METTL15: variants seen among roughly 807,000 people sequenced by gnomAD.
METTL15 encodes the protein 12S rRNA N(4)-cytidine methyltransferase METTL15.
In METTL15, 34 loss-of-function variants were observed where a neutral mutation model predicts 38.3. The observed-to-expected ratio is 0.89, with a 90% CI of 0.68 to 1.18. The LOEUF is 1.18. Ranked by LOEUF, METTL15 falls within the 50% of genes most tolerant of loss-of-function variation. The probability of loss-of-function intolerance (pLI) is 0.00; values close to 1 mark genes in which losing one functional copy is unlikely to be tolerated. For missense variants in METTL15, 438 were observed against 498.4 expected, an observed-to-expected ratio of 0.88 and a Z score of 1.15; for synonymous variants, 162 against 170.9, an observed-to-expected ratio of 0.95 and a Z score of 0.41.
At chr11:28,136,284 A>G (rs1299593612) in intron 3 of METTL15, among the ~76,000 whole-genome samples, 1 of 151,932 alleles carries the variant, frequency 6.6e-6, no homozygotes, top group Non-Finnish European at 1.5e-5. Context: ...CATGGGGGCA[A>G]TTTTCCCTAT....
chr11:28,238,388 G>A (rs1025171563), intron 4 of METTL15, among the ~76,000 whole-genome samples: 20 of 152,192 alleles, frequency 1.3e-4, no homozygotes, highest in Non-Finnish European at 2.2e-4. Flanking sequence ...GCGAGACTCC[G>A]TGGGCTTAGG....
In METTL15 at chr11:28,211,211, C is replaced by G. The variant is rs975787409; in HGVS notation, c.407+13C>G. The G allele has an allele frequency of 3.8e-6, 6 of 1,590,154 alleles. No individual in the cohort carries two copies. In the African/African-American group the frequency reaches 4.1e-5, roughly 11 times the overall value. On this transcript the variant is annotated intron_variant, in intron 4 of 6. Transcript: ENST00000407364. ...CAGAGTTGTATCCGTAAGTAATACC[C>G]TTGCATATTTATTTGATTTTGGTTC...
intron 4 of METTL15, among the ~76,000 whole-genome samples, chr11:28,258,970 C>G (rs1855085690): frequency 6.6e-6 from 1 of 152,086 alleles, no homozygotes; most frequent in Non-Finnish European, 1.5e-5. Flanking sequence ...GCCAGTACAG[C>G]TGGGAATTTG....
chr11:28,379,954 T>G (rs1483557200), intron 5 of METTL15, among the ~76,000 whole-genome samples: 1 of 152,206 alleles, frequency 6.6e-6, no homozygotes, highest in Non-Finnish European at 1.5e-5. Flanking sequence ...TTTTTCATTA[T>G]ATAGCAATCT....
At chr11:28,462,281 G>T (rs1473892622) in intron 6 of METTL15, among the ~76,000 whole-genome samples, 1 of 152,058 alleles carries the variant, frequency 6.6e-6, no homozygotes, top group Non-Finnish European at 1.5e-5. Flanking sequence ...AATACAAGAA[G>T]AATGGAAGTG....
At chr11:28,197,678 C>G (rs993434912) in intron 3 of METTL15, 1 of 282,526 alleles carries the variant, frequency 3.5e-6, no homozygotes, top group Non-Finnish European at 7.3e-6. Flanking sequence ...TTTCTCCCTG[C>G]AATATGCACA....
chr11:28,129,407 CT>C (rs71449170), intron 3 of METTL15, among the ~76,000 whole-genome samples: 40,038 of 143,592 alleles, frequency 0.28, 5,309 homozygotes, highest in African/African-American at 0.41. Flanking sequence ...TATAAAATTA[CT>C]TTTTTTTTTT....
At chr11:28,232,149 T>C (rs796656540) in intron 4 of METTL15, among the ~76,000 whole-genome samples, 2 of 152,046 alleles carry the variant, frequency 1.3e-5, no homozygotes, top group African/African-American at 4.8e-5. Flanking sequence ...CTAGAGAGAA[T>C]TGTGGAGTAA....
intron 4 of METTL15, among the ~76,000 whole-genome samples, chr11:28,222,029 G>C (rs1479163788): frequency 6.6e-6 from 1 of 152,170 alleles, no homozygotes; most frequent in Admixed American, 6.5e-5. Context: ...CAGTCTGTCT[G>C]TTCTCAGATC....
chr11:28,307,576 A>G (rs1272393491), intron 6 of METTL15, among the ~76,000 whole-genome samples: 1 of 151,964 alleles, frequency 6.6e-6, no homozygotes, highest in Non-Finnish European at 1.5e-5. Context: ...CACTTGTAGT[A>G]CCTTTCCTAT....
chr11:28,525,730 C>A (rs1851804648), intron 6 of METTL15, among the ~76,000 whole-genome samples: 1 of 152,276 alleles, frequency 6.6e-6, no homozygotes, highest in Non-Finnish European at 1.5e-5. Flanking sequence ...GCCCAGCTGG[C>A]TTCACCCAGT....
At chr11:28,122,369 G>GTA (rs1416044770) in intron 3 of METTL15, among the ~76,000 whole-genome samples, 3 of 59,328 alleles carry the variant, frequency 5.1e-5, no homozygotes, top group South Asian at 4.2e-4. Context: ...GTGTGTGTGT[G>GTA]TGTATATATA....
chr11:28,176,008 A>G (rs1400272399), intron 3 of METTL15, among the ~76,000 whole-genome samples: 1 of 152,014 alleles, frequency 6.6e-6, no homozygotes, highest in Non-Finnish European at 1.5e-5. Context: ...TCAATTTAAT[A>G]TTACTAAGGA....
chr11:28,297,416 T>C (rs1164384739), intron 6 of METTL15, among the ~76,000 whole-genome samples: 2 of 152,144 alleles, frequency 1.3e-5, no homozygotes, highest in African/African-American at 4.8e-5. Flanking sequence ...TAAAATACAG[T>C]GACTCATATA....
At chr11:28,145,736 G>A (rs958842466) in intron 3 of METTL15, 28 of 151,978 alleles carry the variant, frequency 1.8e-4, no homozygotes, top group Non-Finnish European at 1.3e-4. Context: ...AATAAACTGA[G>A]TTAGATAAAC....
intron 3 of METTL15, chr11:28,134,410 C>T (rs770643570): frequency 1.3e-5 from 5 of 395,820 alleles, no homozygotes; most frequent in African/African-American, 2.1e-5. Context: ...TCTTAGTTGG[C>T]GGTGGACATA....
intron 4 of METTL15, among the ~76,000 whole-genome samples, chr11:28,358,951 A>G (rs1177580983): frequency 6.6e-6 from 1 of 152,170 alleles, no homozygotes; most frequent in Non-Finnish European, 1.5e-5. Context: ...TCTATTTTAG[A>G]TTCAGAGGGT....
chr11:28,403,906 C>A (rs1218993018), intron 5 of METTL15, among the ~76,000 whole-genome samples: 1 of 151,862 alleles, frequency 6.6e-6, no homozygotes, highest in Non-Finnish European at 1.5e-5. Context: ...GCTTCTTATT[C>A]TTTTTTTAAA....
chr11:28,328,640 A>G (rs1164398529), intron 6 of METTL15, among the ~76,000 whole-genome samples: 1 of 152,110 alleles, frequency 6.6e-6, no homozygotes, highest in African/African-American at 2.4e-5. Flanking sequence ...AATTTTGTAT[A>G]AATCTATTGA....
Sources: allele counts gnomAD v4.1 joint callset (sites outside exome capture counted in the v4.1 genomes callset), GRCh38; gene constraint gnomAD v4.1.1; transcripts MANE v1.5; gene names NCBI Gene and HGNC (gene_info 2026-07-23, HGNC 2026-07-21).